Variants in ARHGEF25 observed in about 807,000 individuals in gnomAD.
ARHGEF25 encodes RAC/CDC42 exchange factor.
ARHGEF25 carries 42 observed loss-of-function variants against 74.0 expected under a neutral mutation model. The ratio of observed to expected loss-of-function variants is 0.57; its 90% CI spans 0.44 to 0.73. The LOEUF (loss-of-function observed/expected upper bound fraction) is 0.73, where lower values mean the gene tolerates loss of function less well. Ranked by LOEUF, ARHGEF25 falls within the 30% of genes least tolerant of loss-of-function variation. ARHGEF25 has a pLI of 0.00. For missense variants in ARHGEF25, 645 were observed against 725.5 expected (o/e 0.89, Z 1.27); for synonymous variants, 293 against 278.6 (o/e 1.05, Z -0.51).
intron 10 of ARHGEF25, 39 bp downstream of exon 10, chr12:57,615,056 C>T: frequency 6.2e-7 from 1 of 1,610,706 alleles, no homozygotes; most frequent in Non-Finnish European, 8.5e-7. Context: ...CCATGTGCTC[C>T]TTATCCTCCT....
chr12:57,612,184 A>C lies in ARHGEF25; in HGVS notation c.97+193A>C, dbSNP rs1000145879. On this transcript the variant is annotated intron_variant, in intron 1 of 14. Coordinates refer to ENST00000286494, the MANE Select transcript of ARHGEF25 (RefSeq NM_182947.4). ...TAGTTCAAGTTAAGGAAATAGGGGA[A>C]GGGGCAGGGAACTCATCTCTTTCCC... is the stretch of plus-strand genomic sequence containing the variant. The C allele has an allele frequency of 1.4e-5, 5 of 368,262 alleles. No homozygotes were observed. In the South Asian group the frequency reaches 7.1e-4, roughly 53 times the overall value. 22.8% of individuals were successfully genotyped at this position (368,262 alleles called of 1,614,324 possible).
rs1884052202 is a variant in ARHGEF25 at position 57,611,696 on chromosome 12, G to A, written c.-199G>A. On this transcript the variant is annotated 5_prime_UTR_variant, in exon 1 of 15. Transcript: ENST00000286494. This position sits in a 1 kb window ranked among gnomAD's most constrained non-coding sequence, Gnocchi z 4.5. ...CGGGCCCCGCGCCTCTCTCTCTCTA[G>A]AGCCCCCAGCCCTCCTCAAGACTAG... is the stretch of plus-strand genomic sequence containing the variant. 8.7e-7 allele frequency: 1 copy of A among 1,152,182 alleles called. No homozygotes were observed. The highest frequency in any genetic ancestry group is 4.0e-5 in the East Asian group (1 of 25,136). 71.4% of individuals were successfully genotyped at this position (1,152,182 alleles called of 1,614,324 possible).
At position 57,614,603 on chromosome 12, in the gene ARHGEF25, G is replaced by A; in HGVS notation, c.814G>A (p.Glu272Lys). ...VVSEFGDSYFEELRQQLGHRL... is the reference protein window; with the variant it reads ...VVSEFGDSYFKELRQQLGHRL... Reference sequence around the variant, plus strand: ...GTCAGAGTTTGGGGACAGCTACTTTGAGGTCAGTAGCTGAGATGTCTTGGT... The same window carrying A: ...GTCAGAGTTTGGGGACAGCTACTTTAAGGTCAGTAGCTGAGATGTCTTGGT... Residue 272 changes from glutamate to lysine, a missense_variant and splice_region_variant, in exon 8 of 15, where the codon GAG becomes AAG. This residue lies in a region of ARHGEF25 where 194 missense variants were observed against 269.4 expected (regional missense o/e 0.72). Coordinates refer to ENST00000286494, the MANE Select transcript of ARHGEF25 (RefSeq NM_182947.4). The surrounding 1 kb of genome is among the most constrained non-coding windows in gnomAD (Gnocchi z 4.6). 6.2e-7 allele frequency: 1 copy of A among 1,614,072 alleles called. No individual in the cohort carries two copies. Among genetic ancestry groups the A allele is most frequent in the East Asian group, 2.2e-5 (1 of 44,872 alleles).
Position 57,616,790 on chromosome 12 carries a change from G to T in ARHGEF25, c.1639G>T (p.Gly547Cys). The change falls in exon 15 of 15, where the codon GGT (glycine) becomes TGT (cysteine). Residue 547 changes from glycine to cysteine, a missense_variant. Transcript: ENST00000286494. ...ACTTGAATCTTTTCTTCAGGCCCTT[G>T]GTGACATCCCCCAGGCTCCCCATGA... ...ALLPLDKQAL[G>C]DIPQAPHDSP... is the part of the protein sequence containing the mutation. 6.2e-7 allele frequency: 1 copy of T among 1,604,396 alleles called. No homozygotes were observed. The highest frequency in any genetic ancestry group is 8.5e-7 in the Non-Finnish European group (1 of 1,173,576).
In ARHGEF25 at chr12:57,614,553, A is replaced by G. The variant is rs1565727456; in HGVS notation, c.764A>G (p.Asn255Ser). 1 of 1,614,026 alleles carries G rather than the reference A, an allele frequency of 6.2e-7. No individual in the cohort carries two copies. The change falls in exon 8 of 15, where the codon AAT becomes AGT. Residue 255 changes from asparagine (N) to serine (S), a missense_variant. By Grantham distance (46) the Asn-to-Ser change is conservative. Around this residue, in one of 3 missense-constraint regions of ARHGEF25, gnomAD observed 194 missense variants for 269.4 expected, o/e 0.72. Coordinates refer to ENST00000286494, the MANE Select transcript of ARHGEF25 (RefSeq NM_182947.4). This position sits in a 1 kb window ranked among gnomAD's most constrained non-coding sequence, Gnocchi z 4.6. ...RLHMYVVYCQ[N>S]KPKSEHVVSE... is the part of the protein sequence containing the mutation. ...CATATGTATGTGGTGTACTGTCAGA[A>G]TAAGCCCAAGTCAGAGCATGTGGTG...
Position 57,616,993 on chromosome 12 carries a change from G to A in ARHGEF25, c.*99G>A, listed in dbSNP as rs1476650414. On this transcript the variant is annotated 3_prime_UTR_variant, in exon 15 of 15. Transcript: ENST00000286494. ...ACTGCTCCAGAATTCCTCCTTCTTG[G>A]TGTGTCTGGAGGGTGGGCAAGGCTG... 7 of 977,986 alleles carry A rather than the reference G, an allele frequency of 7.2e-6. No homozygotes were observed. The highest frequency in any genetic ancestry group is 1.9e-5 in the Admixed American group (1 of 53,052). The allele number at this position is 977,986 out of a possible 1,614,324, so 60.6% of individuals were successfully genotyped here. A position where few individuals can be genotyped will look rare whatever the true frequency, so the allele number is the denominator to read the frequency against.
Position 57,616,797 on chromosome 12 carries a change from T to G in ARHGEF25, c.1646T>G (p.Ile549Ser). ...TCTTTTCTTCAGGCCCTTGGTGACA[T>G]CCCCCAGGCTCCCCATGACTCTCCT... is the stretch of plus-strand genomic sequence containing the variant. ...LPLDKQALGD[I>S]PQAPHDSPPV... is the part of the protein sequence containing the mutation. The change falls in exon 15 of 15, where the codon ATC becomes AGC. Residue 549 changes from isoleucine (I) to serine (S), a missense_variant. By Grantham distance (142) the Ile-to-Ser change is moderately radical (BLOSUM62 -2). Around this residue, in one of 3 missense-constraint regions of ARHGEF25, gnomAD observed 262 missense variants for 256.9 expected, o/e 1.02. Coordinates refer to ENST00000286494, the MANE Select transcript of ARHGEF25 (RefSeq NM_182947.4). The G allele has an allele frequency of 6.2e-7, 1 of 1,607,782 alleles. No individual in the cohort carries two copies. The highest frequency in any genetic ancestry group is 1.1e-5 in the South Asian group (1 of 90,614).
rs1884176063 is a variant in ARHGEF25, at chr12:57,614,090, T to C, written c.627T>C (p.Asn209=). The C allele has an allele frequency of 4.3e-6, 7 of 1,614,072 alleles. No individual in the cohort carries two copies. The highest frequency in any genetic ancestry group is 5.9e-6 in the Non-Finnish European group (7 of 1,180,012). The part of the protein sequence containing the change: ...LRGRDRIVFG[N]IQQIYEWHRD... Reference sequence around the variant, plus strand: ...GCCGTGACAGGATTGTGTTTGGGAATATCCAGCAAATCTATGAGTGGCACC... The same window carrying C: ...GCCGTGACAGGATTGTGTTTGGGAACATCCAGCAAATCTATGAGTGGCACC... The change falls in exon 6 of 15, where the codon AAT becomes AAC. Residue 209 remains asparagine (N), a synonymous_variant. Coordinates refer to ENST00000286494, the MANE Select transcript of ARHGEF25 (RefSeq NM_182947.4). This position sits in a 1 kb window ranked among gnomAD's most constrained non-coding sequence, Gnocchi z 4.6.
chr12:57,614,026 C>T lies in ARHGEF25; in HGVS notation c.563C>T (p.Ala188Val). 1 of 1,614,080 alleles carries T rather than the reference C, an allele frequency of 6.2e-7. No homozygotes were observed. The highest frequency in any genetic ancestry group is 1.3e-5 in the African/African-American group (1 of 75,030). The stretch of plus-strand genomic sequence containing the variant: ...TCAACTTTCCCACAGGGTTATATGG[C>T]CACCATGGCTGCTCAGGGGGTCCCC... Reference protein sequence around the residue: ...DLGQIVEGYMATMAAQGVPES... With the variant: ...DLGQIVEGYMVTMAAQGVPES... Residue 188 changes from alanine (A) to valine (V), a missense_variant, in exon 6 of 15, where the codon GCC becomes GTC. Ala to Val is a moderately conservative substitution (Grantham distance 64, BLOSUM62 0). Transcript: ENST00000286494. The surrounding 1 kb of genome is among the most constrained non-coding windows in gnomAD (Gnocchi z 4.6).
chr12:57,616,488 A>T lies in ARHGEF25; in HGVS notation c.1625A>T (p.Asp542Val). The T allele has an allele frequency of 6.2e-7, 1 of 1,613,908 alleles. No homozygotes were observed. The highest frequency in any genetic ancestry group is 1.3e-5 in the African/African-American group (1 of 75,042). Residue 542 changes from aspartate to valine, a missense_variant, in exon 14 of 15, where the codon GAT becomes GTT. By Grantham distance (152) the Asp-to-Val change is radical. Around this residue, in one of 3 missense-constraint regions of ARHGEF25, gnomAD observed 262 missense variants for 256.9 expected, o/e 1.02. Coordinates refer to ENST00000286494, the MANE Select transcript of ARHGEF25 (RefSeq NM_182947.4). ...GEVARALLPLDKQALGDIPQA... is the reference protein window; with the variant it reads ...GEVARALLPLVKQALGDIPQA... ...GTGGCCAGAGCCCTCTTGCCACTGG[A>T]TAAACAGGTATGACGAATAGAGCTC...
chr12:57,610,497 G>A, upstream of ARHGEF25: 1 of 1,323,688 alleles, frequency 7.6e-7, no homozygotes, highest in Non-Finnish European at 1.0e-6. Flanking sequence ...GTTTTGACAG[G>A]TAGGAGAAGG....
In ARHGEF25 at chr12:57,615,889, C is replaced by T. The variant is rs751370716; in HGVS notation, c.1292C>T (p.Ala431Val). 1.2e-6 allele frequency: 2 copies of T among 1,614,038 alleles called. No homozygotes were observed. The highest frequency in any genetic ancestry group is 2.7e-5 in the African/African-American group (2 of 74,926). The change falls in exon 13 of 15, where the codon GCA (alanine) becomes GTA (valine). Residue 431 changes from alanine (A) to valine (V), a missense_variant. This residue lies in a region of ARHGEF25 where 262 missense variants were observed against 256.9 expected (regional missense o/e 1.02). Coordinates refer to ENST00000286494, the MANE Select transcript of ARHGEF25 (RefSeq NM_182947.4). ...CTCCAAGGTGACCCTTGCCGCTTTG[C>T]ACTGACCTCCAGAGGGCCAGAGGGT... ...GNLQGDPCRFALTSRGPEGGI... is the reference protein window; with the variant it reads ...GNLQGDPCRFVLTSRGPEGGI...
In ARHGEF25 at chr12:57,616,468, C is replaced by A. The variant is rs769697773; in HGVS notation, c.1605C>A (p.Ala535=). The stretch of plus-strand genomic sequence containing the variant: ...TGCTGTCACCCAAAGGGGAGGTGGC[C>A]AGAGCCCTCTTGCCACTGGATAAAC... ...SLLLSPKGEV[A]RALLPLDKQA... is the part of the protein sequence containing the mutation. The change falls in exon 14 of 15, where the codon GCC becomes GCA. Residue 535 remains alanine, a synonymous_variant. Transcript: ENST00000286494. The A allele has an allele frequency of 1.9e-6, 3 of 1,613,974 alleles. No homozygotes were observed. The African/African-American group carries it at 4.0e-5, about 22-fold the overall frequency.
chr12:57,611,299 G>A (rs1358342263), upstream of ARHGEF25: 3 of 291,678 alleles, frequency 1.0e-5, no homozygotes, highest in Non-Finnish European at 1.5e-5. The surrounding 1 kb of genome is among the most constrained non-coding windows in gnomAD (Gnocchi z 4.5). Context: ...GGGACGTGGA[G>A]TGGGAACGTG....
chr12:57,610,469 C>T, upstream of ARHGEF25: 1 of 1,159,174 alleles, frequency 8.6e-7, no homozygotes, highest in Non-Finnish European at 1.2e-6. Flanking sequence ...TCTGGGCGAG[C>T]CTTTTATAAC....
At position 57,614,695 on chromosome 12, in the gene ARHGEF25, C is replaced by T. The variant is rs565431564; in HGVS notation, c.823C>T (p.Arg275Trp). The change falls in exon 9 of 15, where the codon CGG becomes TGG. Residue 275 changes from arginine to tryptophan, a missense_variant. Arg to Trp is a moderately radical substitution (Grantham distance 101). Transcript: ENST00000286494. The surrounding 1 kb of genome is among the most constrained non-coding windows in gnomAD (Gnocchi z 4.6). ...EFGDSYFEEL[R>W]QQLGHRLQLN... ...ACCCTGTCCCTGTCCCCAGGAGCTC[C>T]GGCAGCAGCTGGGGCACCGCCTGCA... 7.4e-6 allele frequency: 12 copies of T among 1,613,532 alleles called. No homozygotes were observed. The highest frequency in any genetic ancestry group is 1.7e-4 in the Middle Eastern group (1 of 6,058).
Position 57,614,208 on chromosome 12 carries a change from G to C in ARHGEF25, c.656+89G>C. 1 of 1,583,778 alleles carries C rather than the reference G, an allele frequency of 6.3e-7. No individual in the cohort carries two copies. The highest frequency in any genetic ancestry group is 8.7e-7 in the Non-Finnish European group (1 of 1,153,420). ...CTAACATCAGCCCATTGCGACTTAA[G>C]GAATGTTTGGAGAAGTTTTGTAGGG... On this transcript the variant is annotated intron_variant, in intron 6 of 14. Coordinates refer to ENST00000286494, the MANE Select transcript of ARHGEF25 (RefSeq NM_182947.4). This position sits in a 1 kb window ranked among gnomAD's most constrained non-coding sequence, Gnocchi z 4.6.
chr12:57,613,578 T>C (rs1017989713), intron 4 of ARHGEF25, 62 bp downstream of exon 4: 3 of 1,612,330 alleles, frequency 1.9e-6, no homozygotes, highest in African/African-American at 1.3e-5. Flanking sequence ...CCTCACATTT[T>C]AGATGGAATT....
chr12:57,610,566 G>A (rs775389987), upstream of ARHGEF25: 1 of 1,605,702 alleles, frequency 6.2e-7, no homozygotes, highest in Non-Finnish European at 8.5e-7. Context: ...TTCTGTCCCC[G>A]CAGCCCCCAA....
Sources: allele counts gnomAD v4.1 joint callset, GRCh38; gene constraint gnomAD v4.1.1; regional missense constraint gnomAD v4.1.1; non-coding constraint Gnocchi (gnomAD v3.1); transcripts MANE v1.5; gene names NCBI Gene and HGNC (gene_info 2026-07-23, HGNC 2026-07-21).